CFAP61: variants seen among roughly 807,000 people sequenced by gnomAD.
The protein encoded by CFAP61 is cilia and flagella associated protein 61.
In CFAP61, 107 loss-of-function variants were observed where a neutral mutation model predicts 135.6. That is an observed-to-expected ratio of 0.79 (90% CI 0.67 to 0.93). The LOEUF (loss-of-function observed/expected upper bound fraction) is 0.93, where lower values mean the gene tolerates loss of function less well. CFAP61 is among the 40% of genes least tolerant of loss of function. The probability of loss-of-function intolerance (pLI) is 0.00; values close to 1 mark genes in which losing one functional copy is unlikely to be tolerated. For synonymous variants in CFAP61, 575 were observed against 578.5 expected, an observed-to-expected ratio of 0.99 and a Z score of 0.09; for missense variants, 1,507 against 1,556.2, an observed-to-expected ratio of 0.97 and a Z score of 0.53.
chr20:20,222,733 G>T (rs983182284), intron 17 of CFAP61, among the ~76,000 whole-genome samples: 2 of 152,056 alleles, frequency 1.3e-5, no homozygotes, highest in Non-Finnish European at 2.9e-5. Flanking sequence ...CAACTGATTG[G>T]TTCTATTTAA....
intron 25 of CFAP61, among the ~76,000 whole-genome samples, chr20:20,330,289 T>C (rs2057932082): frequency 6.6e-6 from 1 of 152,136 alleles, no homozygotes; most frequent in South Asian, 2.1e-4. Context: ...CAAAATTCAG[T>C]GTGTATTTTA....
intron 8 of CFAP61, among the ~76,000 whole-genome samples, chr20:20,110,709 G>A (rs1049621778): frequency 3.9e-5 from 6 of 152,088 alleles, no homozygotes; most frequent in African/African-American, 1.2e-4. Context: ...TTCCTGGAGC[G>A]CAGCATAGAA....
At chr20:20,185,751 T>C (rs1221116452) in intron 13 of CFAP61, among the ~76,000 whole-genome samples, 1 of 152,240 alleles carries the variant, frequency 6.6e-6, no homozygotes, top group Non-Finnish European at 1.5e-5. Flanking sequence ...AATATGATGG[T>C]GAATTTCAAA....
intron 17 of CFAP61, among the ~76,000 whole-genome samples, chr20:20,224,899 TAAAATGTGAGTCAAGA>T (rs1435101078): frequency 6.6e-6 from 1 of 152,162 alleles, no homozygotes. Flanking sequence ...ATTCTGTCTA[TAAAATGTGAGTCAAGA>T]ACTAGGGCTT....
intron 19 of CFAP61, 21 bp downstream of exon 19, chr20:20,246,236 T>C (rs564703539): frequency 2.0e-6 from 3 of 1,484,840 alleles, no homozygotes; most frequent in Middle Eastern, 1.7e-4. Context: ...TATTTGCTTT[T>C]TCATTCTGAG....
intron 18 of CFAP61, among the ~76,000 whole-genome samples, chr20:20,233,375 T>C (rs1238903713): frequency 1.3e-5 from 2 of 152,200 alleles, no homozygotes; most frequent in Non-Finnish European, 2.9e-5. Flanking sequence ...CGTGTGCGCC[T>C]CGCAATTGCC....
At chr20:20,232,152 A>G (rs1307268660) in intron 18 of CFAP61, among the ~76,000 whole-genome samples, 2 of 152,120 alleles carry the variant, frequency 1.3e-5, no homozygotes, top group African/African-American at 4.8e-5. Flanking sequence ...GTGCTGAAGG[A>G]GAGTCCCAGC....
rs2146757767 is a variant in CFAP61, at chr20:20,144,912, G to C, written c.951+1964G>C. Reference sequence around the variant, plus strand: ...ATAGAAGAAAATAAACTCCACCCTAGAATTTTATACCCAGTAAATATCTTT... The same window carrying C: ...ATAGAAGAAAATAAACTCCACCCTACAATTTTATACCCAGTAAATATCTTT... On this transcript the variant is annotated intron_variant, in intron 9 of 26. Transcript: ENST00000245957. Among the ~76,000 whole-genome samples, 3 of 152,146 alleles carry C rather than the reference G, an allele frequency of 2.0e-5. No individual in the cohort carries two copies. The East Asian group carries it at 5.8e-4, about 29-fold the overall frequency.
At chr20:20,063,123 A>AC (rs1459378534) in intron 2 of CFAP61, among the ~76,000 whole-genome samples, 30 of 152,270 alleles carry the variant, frequency 2.0e-4, no homozygotes, top group African/African-American at 7.2e-4. Flanking sequence ...AATGGTCGGC[A>AC]CAAGTGCCTT....
chr20:20,053,256 G>A (rs1433077462), intron 1 of CFAP61, among the ~76,000 whole-genome samples: 1 of 152,104 alleles, frequency 6.6e-6, no homozygotes, highest in Non-Finnish European at 1.5e-5. Flanking sequence ...GACATTTTTA[G>A]AGAAGTTTTA....
chr20:20,338,764 T>C (rs1448856309), intron 25 of CFAP61, among the ~76,000 whole-genome samples: 1 of 152,240 alleles, frequency 6.6e-6, no homozygotes, highest in African/African-American at 2.4e-5. Context: ...CAAGCCGGCC[T>C]TCACATCCCC....
At chr20:20,252,153 G>A (rs1022254624) in intron 20 of CFAP61, among the ~76,000 whole-genome samples, 9 of 152,144 alleles carry the variant, frequency 5.9e-5, no homozygotes, top group Non-Finnish European at 8.8e-5. Context: ...ATGGGCTCTC[G>A]CAAAAGTATT....
At chr20:20,085,631 A>G (rs2046749288) in intron 6 of CFAP61, 1 of 675,512 alleles carries the variant, frequency 1.5e-6, no homozygotes, top group Non-Finnish European at 2.4e-6. Flanking sequence ...TGATGTTTAT[A>G]GCTACAGAGT....
intron 18 of CFAP61, among the ~76,000 whole-genome samples, chr20:20,238,882 C>T (rs1485539610): frequency 6.6e-6 from 1 of 152,186 alleles, no homozygotes; most frequent in Non-Finnish European, 1.5e-5. Context: ...CGTGAAATCC[C>T]CACTGGAATT....
chr20:20,302,201 G>A (rs1299034824), intron 25 of CFAP61, among the ~76,000 whole-genome samples: 1 of 152,136 alleles, frequency 6.6e-6, no homozygotes, highest in Non-Finnish European at 1.5e-5. Context: ...ACTAATTTTA[G>A]TATGGTTCTG....
At chr20:20,190,599 C>CA (rs1329042136) in intron 14 of CFAP61, among the ~76,000 whole-genome samples, 5 of 152,188 alleles carry the variant, frequency 3.3e-5, no homozygotes, top group Admixed American at 1.3e-4. Context: ...CACACACACA[C>CA]CCCCACAATT....
rs75993982 is a variant in CFAP61 at position 20,220,824 on chromosome 20, C to T, written c.1933-7425C>T. Among the ~76,000 whole-genome samples the T allele has an allele frequency of 4.8e-3, 725 of 152,206 alleles. 29 individuals carry two copies. In the East Asian group the frequency reaches 0.095, roughly 20 times the overall value. ...TTCCATCACTTTTGAATGTGTTTCC[C>T]GAACCTTTCAGCTCATGTCCTCATT... On this transcript the variant is annotated intron_variant, in intron 17 of 26. Transcript: ENST00000245957.
intron 21 of CFAP61, among the ~76,000 whole-genome samples, chr20:20,269,152 C>CACACACACACATACATATATGTATAT (rs1569219269): frequency 1.9e-3 from 171 of 89,498 alleles, no homozygotes; most frequent in African/African-American, 5.3e-3. Flanking sequence ...TATATACACA[C>CACACACACACATACATATATGTATAT]ACACACACAC....
chr20:20,311,356 C>T (rs911718876), intron 25 of CFAP61, among the ~76,000 whole-genome samples: 1 of 152,132 alleles, frequency 6.6e-6, no homozygotes, highest in Non-Finnish European at 1.5e-5. Flanking sequence ...GACTTACCCT[C>T]CCACATGAAA....
Sources: gnomAD v4.1 joint callset for allele counts (sites outside exome capture counted in the v4.1 genomes callset) on GRCh38, gnomAD v4.1.1 for gene constraint, MANE v1.5 for transcripts, NCBI Gene and HGNC (gene_info 2026-07-23, HGNC 2026-07-21) for gene names.